The following LANCL3 variants were observed in gnomAD, a reference collection of about 807,000 sequenced individuals.
LANCL3 encodes the protein lanC-like protein 3.
LANCL3 carries 19 observed loss-of-function variants against 26.5 expected under a neutral mutation model. The ratio of observed to expected loss-of-function variants is 0.72; its 90% CI spans 0.50 to 1.05. The LOEUF is 1.05. Ranked by LOEUF, LANCL3 falls within the 50% of genes least tolerant of loss-of-function variation. The pLI, the probability that LANCL3 is intolerant of heterozygous loss-of-function variation, is 0.00. For missense variants in LANCL3, 318 were observed against 362.7 expected, an observed-to-expected ratio of 0.88 and a Z score of 1.00; for synonymous variants, 160 against 166.6, an observed-to-expected ratio of 0.96 and a Z score of 0.30.
At chrX:37,623,020 A>G (rs1057125773) in intron 1 of LANCL3, among the ~76,000 whole-genome samples, 1 of 111,930 alleles carries the variant, frequency 8.9e-6, no homozygotes, top group Non-Finnish European at 1.9e-5. Context: ...GCACCTTTTC[A>G]TAGGCAGTTT....
chrX:37,634,817 G>A (rs917388193), intron 1 of LANCL3, among the ~76,000 whole-genome samples: 1 of 111,565 alleles, frequency 9.0e-6, no homozygotes, highest in African/African-American at 3.3e-5. Context: ...GAGGCATCAT[G>A]TCTGCAACTT....
intron 3 of LANCL3, among the ~76,000 whole-genome samples, chrX:37,665,024 G>A (rs946192159): frequency 2.7e-5 from 3 of 111,564 alleles, no homozygotes; most frequent in African/African-American, 6.5e-5. Context: ...GAACATACAC[G>A]TCATTGGCTT....
Position 37,675,843 on chromosome X carries a change from G to C in LANCL3, c.*30G>C. 1 of 1,074,043 alleles carries C rather than the reference G, an allele frequency of 9.3e-7. No homozygotes were observed. The highest frequency in any genetic ancestry group is 1.2e-6 in the Non-Finnish European group (1 of 820,975). The allele number at this position is 1,074,043 out of a possible 1,213,427, so 88.5% of individuals were successfully genotyped here. A position where few individuals can be genotyped will look rare whatever the true frequency, so the allele number is the denominator to read the frequency against. On this transcript the variant is annotated 3_prime_UTR_variant, in exon 5 of 5. Coordinates refer to ENST00000378619, the MANE Select transcript of LANCL3 (RefSeq NM_001170331.2). ...CTCTATCTTCCACTGTGGCCCTGCA[G>C]AGATCCCCTGAGCCAAGCCGAGGCA...
intron 1 of LANCL3, among the ~76,000 whole-genome samples, chrX:37,596,142 G>T (rs781794043): frequency 1.8e-5 from 2 of 111,857 alleles, no homozygotes; most frequent in Non-Finnish European, 3.8e-5. Flanking sequence ...ATGGGTCCTC[G>T]TAATTTTTCT....
intron 2 of LANCL3, among the ~76,000 whole-genome samples, chrX:37,658,060 C>A (rs1386403159): frequency 8.9e-6 from 1 of 111,981 alleles, no homozygotes; most frequent in African/African-American, 3.3e-5. Flanking sequence ...AAGCTAACTT[C>A]TTTTCCAAAG....
chrX:37,653,933 A>G (rs1926219777), intron 1 of LANCL3, among the ~76,000 whole-genome samples: 1 of 110,362 alleles, frequency 9.1e-6, no homozygotes, highest in Non-Finnish European at 1.9e-5. Flanking sequence ...AAAAAAAAAG[A>G]GAATGTAGTC....
rs1433400935 is a variant in LANCL3 at position 37,572,220 on chromosome X, G to A, written c.350G>A (p.Arg117His). 8.7e-6 allele frequency: 10 copies of A among 1,154,613 alleles called. No individual in the cohort carries two copies. In the East Asian group the frequency reaches 1.6e-4, roughly 18 times the overall value. Residue 117 changes from arginine (R) to histidine (H), a missense_variant, in exon 1 of 5, where the codon CGC (arginine) becomes CAC (histidine). Arg to His is a conservative substitution (Grantham distance 29, BLOSUM62 0). Transcript: ENST00000378619. ...EEWGEPDADT[R>H]AAFLLGGAGV... is the part of the protein sequence containing the mutation. ...TGGGGCGAACCGGACGCCGACACCC[G>A]CGCCGCCTTCCTGCTCGGGGGCGCG...
chrX:37,582,076 C>G (rs1556417115), intron 1 of LANCL3, among the ~76,000 whole-genome samples: 1 of 111,457 alleles, frequency 9.0e-6, no homozygotes, highest in African/African-American at 3.3e-5. Context: ...ATGATGGTTT[C>G]CAGCTTCATC....
intron 1 of LANCL3, among the ~76,000 whole-genome samples, chrX:37,629,547 G>A (rs1925419960): frequency 2.9e-5 from 3 of 103,016 alleles, no homozygotes; most frequent in South Asian, 4.4e-4. Flanking sequence ...GAATGGTAAT[G>A]CCTAGGTTTT....
At chrX:37,670,348 G>A (rs1159919644) in intron 4 of LANCL3, among the ~76,000 whole-genome samples, 1 of 111,061 alleles carries the variant, frequency 9.0e-6, no homozygotes, top group East Asian at 2.8e-4. Context: ...TATTTTTCTT[G>A]TCAAAGTTTT....
intron 1 of LANCL3, among the ~76,000 whole-genome samples, chrX:37,604,481 A>T (rs895662831): frequency 1.8e-5 from 2 of 111,779 alleles, no homozygotes; most frequent in Admixed American, 1.9e-4. Context: ...GTTTTGTTTT[A>T]TTATTATTGT....
intron 1 of LANCL3, among the ~76,000 whole-genome samples, chrX:37,636,505 C>T (rs782728873): frequency 1.2e-4 from 13 of 112,358 alleles, no homozygotes; most frequent in Middle Eastern, 4.2e-3. Flanking sequence ...AAAAAGCTTG[C>T]GTAATTGTCT....
Position 37,572,582 on chromosome X carries a change from A to C in LANCL3, c.573+139A>C, listed in dbSNP as rs1374838716. 1.0e-5 allele frequency: 5 copies of C among 502,478 alleles called. No individual in the cohort carries two copies. The East Asian group carries it at 1.8e-4, about 18-fold the overall frequency. 41.4% of individuals were successfully genotyped at this position (502,478 alleles called of 1,213,427 possible). On this transcript the variant is annotated intron_variant, in intron 1 of 4. Coordinates refer to ENST00000378619, the MANE Select transcript of LANCL3 (RefSeq NM_001170331.2). ...CTTGGTGTGGTGCTAGCATTTCTTC[A>C]GTCCCTTGAGGTCTATCTCCTGCTT...
At chrX:37,580,255 G>A (rs1923860657) in intron 1 of LANCL3, among the ~76,000 whole-genome samples, 1 of 111,585 alleles carries the variant, frequency 9.0e-6, no homozygotes. Flanking sequence ...TAGACCCTTT[G>A]TTATGCATGA....
In LANCL3 at chrX:37,638,030, G is replaced by A. The variant is rs991526193; in HGVS notation, c.574-17658G>A. Reference sequence around the variant, plus strand: ...TCCTGTAATGTGACTAAAACTTAGGGATATGTTTAAACTTGGAATGAGAGA... The same window carrying A: ...TCCTGTAATGTGACTAAAACTTAGGAATATGTTTAAACTTGGAATGAGAGA... On this transcript the variant is annotated intron_variant, in intron 1 of 4. Transcript: ENST00000378619. 3.6e-5 allele frequency among the ~76,000 whole-genome samples: 4 copies of A among 110,960 alleles called. No individual in the cohort carries two copies. The South Asian group carries it at 1.6e-3, about 43-fold the overall frequency.
At chrX:37,667,590 A>G in intron 4 of LANCL3, 101 bp downstream of exon 4, 1 of 628,825 alleles carries the variant, frequency 1.6e-6, no homozygotes, top group South Asian at 4.3e-5. Flanking sequence ...CATAAAAATA[A>G]ATACATCAAC....
chrX:37,628,482 A>G lies in LANCL3; in HGVS notation c.574-27206A>G, dbSNP rs782503845. Reference sequence around the variant, plus strand: ...ATTATTATACTTTAAGATTTAGGGTACATGTGCACAATGTGCAGGTTAGTT... The same window carrying G: ...ATTATTATACTTTAAGATTTAGGGTGCATGTGCACAATGTGCAGGTTAGTT... On this transcript the variant is annotated intron_variant, in intron 1 of 4. Transcript: ENST00000378619. Among the ~76,000 whole-genome samples, 104 of 109,493 alleles carry G rather than the reference A, an allele frequency of 9.5e-4. No individual in the cohort carries two copies. In the South Asian group the frequency reaches 0.012, roughly 12 times the overall value.
At chrX:37,584,858 T>A (rs1414241261) in intron 1 of LANCL3, among the ~76,000 whole-genome samples, 3 of 111,889 alleles carry the variant, frequency 2.7e-5, no homozygotes, top group Non-Finnish European at 5.6e-5. Context: ...GTGTTTCCTC[T>A]TGCTTCTCTA....
intron 3 of LANCL3, among the ~76,000 whole-genome samples, chrX:37,663,254 G>A (rs1926464335): frequency 8.9e-6 from 1 of 112,256 alleles, no homozygotes; most frequent in Non-Finnish European, 1.9e-5. Flanking sequence ...ATGGAAATAG[G>A]TAATTTTAAC....
Sources: allele counts gnomAD v4.1 joint callset (sites outside exome capture counted in the v4.1 genomes callset), GRCh38; gene constraint gnomAD v4.1.1; transcripts MANE v1.5; gene names NCBI Gene and HGNC (gene_info 2026-07-23, HGNC 2026-07-21).